Variants in LEMD2 observed in about 807,000 individuals in gnomAD.
LEMD2 encodes LEM domain nuclear envelope protein 2.
Under a neutral mutation model 58.8 loss-of-function variants are expected in LEMD2, and 34 were observed. The ratio of observed to expected loss-of-function variants is 0.58; its 90% CI spans 0.44 to 0.77. The LOEUF is 0.77. Among genes scored for constraint, LEMD2 ranks in the 30% least tolerant of loss-of-function variants. The pLI, the probability that LEMD2 is intolerant of heterozygous loss-of-function variation, is 0.00. For missense variants in LEMD2, 629 were observed against 717.9 expected, an observed-to-expected ratio of 0.88 and a Z score of 1.42; for synonymous variants, 298 against 308.9, an observed-to-expected ratio of 0.96 and a Z score of 0.37.
intron 2 of LEMD2, 67 bp downstream of exon 2, chr6:33,786,667 G>T: frequency 7.9e-7 from 1 of 1,264,794 alleles, no homozygotes; most frequent in Non-Finnish European, 1.1e-6. Flanking sequence ...TTCTGGGGAA[G>T]TTTACCTCCT....
At position 33,772,274 on chromosome 6, in the gene LEMD2, C is replaced by A; in HGVS notation, c.*354G>T. The A allele has an allele frequency of 5.5e-6, 1 of 181,068 alleles. No homozygotes were observed. The highest frequency in any genetic ancestry group is 1.2e-5 in the Non-Finnish European group (1 of 86,922). 11.2% of individuals were successfully genotyped at this position (181,068 alleles called of 1,614,324 possible). On this transcript the variant is annotated 3_prime_UTR_variant, in exon 9 of 9. Coordinates refer to ENST00000293760, the MANE Select transcript of LEMD2 (RefSeq NM_181336.4). ...TGCCCCACCTCCCAGGTGACAGACT[C>A]CCTGGCGTGGCCATGCCCCAGCCCA... is the stretch of plus-strand genomic sequence containing the variant.
intron 8 of LEMD2, among the ~76,000 whole-genome samples, chr6:33,773,055 C>T (rs779810717): frequency 1.3e-4 from 20 of 152,202 alleles, no homozygotes; most frequent in South Asian, 4.1e-4. Context: ...GTGTGCAGGG[C>T]TGTGCTAGGC....
At position 33,778,495 on chromosome 6, in the gene LEMD2, C is replaced by T; in HGVS notation, c.1011-108G>A. The T allele has an allele frequency of 1.2e-6, 1 of 841,948 alleles. No homozygotes were observed. The highest frequency in any genetic ancestry group is 2.9e-5 in the East Asian group (1 of 34,746). 52.2% of individuals were successfully genotyped at this position (841,948 alleles called of 1,614,324 possible). A position where few individuals can be genotyped will look rare whatever the true frequency, so the allele number is the denominator to read the frequency against. On this transcript the variant is annotated intron_variant, in intron 5 of 8. Transcript: ENST00000293760. The surrounding 1 kb of genome is among the most constrained non-coding windows in gnomAD (Gnocchi z 4.7). ...GAAGGAAAGTGGGGACGCAAGGCCT[C>T]TACTTGCTTATAGAATAGGCTTGGT...
intron 8 of LEMD2, 144 bp from the exon 9 acceptor site, chr6:33,772,922 A>G: frequency 1.5e-6 from 1 of 681,164 alleles, no homozygotes; most frequent in South Asian, 1.9e-5. Context: ...TAACATGACA[A>G]CTGCAGAGGA....
chr6:33,772,615 C>G lies in LEMD2; in HGVS notation c.*13G>C, dbSNP rs1466877835. Reference sequence around the variant, plus strand: ...TGGGACAGGCTGACCGGGAACAAGTCCCCGCCCGGGGCTTATCGCTCTGAG... The same window carrying G: ...TGGGACAGGCTGACCGGGAACAAGTGCCCGCCCGGGGCTTATCGCTCTGAG... On this transcript the variant is annotated 3_prime_UTR_variant, in exon 9 of 9. Coordinates refer to ENST00000293760, the MANE Select transcript of LEMD2 (RefSeq NM_181336.4). 1.2e-6 allele frequency: 2 copies of G among 1,609,700 alleles called. No individual in the cohort carries two copies. The highest frequency in any genetic ancestry group is 1.1e-5 in the South Asian group (1 of 90,360).
chr6:33,778,369 C>A lies in LEMD2; in HGVS notation c.1029G>T (p.Gln343His). The change falls in exon 6 of 9, where the codon CAG becomes CAT. Residue 343 changes from glutamine to histidine, a missense_variant. Coordinates refer to ENST00000293760, the MANE Select transcript of LEMD2 (RefSeq NM_181336.4). This position sits in a 1 kb window ranked among gnomAD's most constrained non-coding sequence, Gnocchi z 4.7. ...DVGIWLKGED[Q>H]SELVTTVDKV... is the part of the protein sequence containing the mutation. ...TGTCCACAGTCGTCACCAATTCAGA[C>A]TGGTCTTCTCCTTTCAACCTGAAAC... 2 of 1,568,466 alleles carry A rather than the reference C, an allele frequency of 1.3e-6. No homozygotes were observed. Among genetic ancestry groups the A allele is most frequent in the Non-Finnish European group, 1.7e-6 (2 of 1,155,008 alleles).
At position 33,788,608 on chromosome 6, in the gene LEMD2, G is replaced by C; in HGVS notation, c.509C>G (p.Ala170Gly). 3 of 1,275,660 alleles carry C rather than the reference G, an allele frequency of 2.4e-6. No homozygotes were observed. The highest frequency in any genetic ancestry group is 3.0e-6 in the Non-Finnish European group (3 of 1,014,780). 79.0% of individuals were successfully genotyped at this position (1,275,660 alleles called of 1,614,324 possible). A position where few individuals can be genotyped will look rare whatever the true frequency, so the allele number is the denominator to read the frequency against. ...ACCGAGGAGGGAGGAAGGCAGCCGC[G>C]CCGGGGCGGGAGACGCTGCCCACCA... ...RRWWAASPAPARLPSSLLGPD... is the reference protein window; with the variant it reads ...RRWWAASPAPGRLPSSLLGPD... Residue 170 changes from alanine (A) to glycine (G), a missense_variant, in exon 1 of 9, where the codon GCG (alanine) becomes GGG (glycine). Physicochemically the swap from Ala to Gly is moderately conservative, Grantham distance 60. This residue lies in a region of LEMD2 where 386 missense variants were observed against 381.1 expected (regional missense o/e 1.01). Coordinates refer to ENST00000293760, the MANE Select transcript of LEMD2 (RefSeq NM_181336.4).
At chr6:33,788,170 A>G (rs956034124) in intron 1 of LEMD2, among the ~76,000 whole-genome samples, 2 of 152,246 alleles carry the variant, frequency 1.3e-5, no homozygotes, top group Admixed American at 6.5e-5. Flanking sequence ...GAAAAGGAGA[A>G]CAGGAGAAAG....
intron 2 of LEMD2, among the ~76,000 whole-genome samples, chr6:33,785,048 A>C (rs1582262277): frequency 6.6e-6 from 1 of 151,884 alleles, no homozygotes; most frequent in Non-Finnish European, 1.5e-5. Context: ...CAACACACCC[A>C]CTCCCAGCCT....
chr6:33,776,427 T>C (rs1483986601), intron 8 of LEMD2, among the ~76,000 whole-genome samples: 2 of 152,118 alleles, frequency 1.3e-5, no homozygotes, highest in East Asian at 3.9e-4. Context: ...ACAATAGGCC[T>C]ACTTTTCCCC....
intron 6 of LEMD2, among the ~76,000 whole-genome samples, chr6:33,777,519 A>C (rs1402522246): frequency 6.6e-6 from 1 of 152,148 alleles, no homozygotes. Flanking sequence ...TGGGGCTTTC[A>C]TCTCCTCCCT....
intron 2 of LEMD2, among the ~76,000 whole-genome samples, chr6:33,785,215 G>A (rs1292493786): frequency 2.0e-5 from 3 of 152,132 alleles, no homozygotes; most frequent in Non-Finnish European, 2.9e-5. Context: ...CTTTCAGCAA[G>A]AGCCTCACCA....
In LEMD2 at chr6:33,788,828, C is replaced by A; in HGVS notation, c.289G>T (p.Ala97Ser). The A allele has an allele frequency of 7.0e-7, 1 of 1,425,618 alleles. No homozygotes were observed. Among genetic ancestry groups the A allele is most frequent in the Non-Finnish European group, 9.2e-7 (1 of 1,092,332 alleles). The allele number at this position is 1,425,618 out of a possible 1,614,324, so 88.3% of individuals were successfully genotyped here. A position where few individuals can be genotyped will look rare whatever the true frequency, so the allele number is the denominator to read the frequency against. ...CCGTAGGCCCCAGGGGTCGCGTAGG[C>A]CGAGCCCGAGGCCGGCTGGGAGAGC... ...PWLSQPASGS[A>S]YATPGAYGDI... Residue 97 changes from alanine (A) to serine (S), a missense_variant, in exon 1 of 9, where the codon GCC becomes TCC. Ala to Ser is a moderately conservative substitution (Grantham distance 99). This residue lies in a region of LEMD2 where 386 missense variants were observed against 381.1 expected (regional missense o/e 1.01). Coordinates refer to ENST00000293760, the MANE Select transcript of LEMD2 (RefSeq NM_181336.4).
chr6:33,788,681 G>T lies in LEMD2; in HGVS notation c.436C>A (p.Arg146=). 7.5e-7 allele frequency: 1 copy of T among 1,341,562 alleles called. No homozygotes were observed. Among genetic ancestry groups the T allele is most frequent in the Non-Finnish European group, 9.6e-7 (1 of 1,045,984 alleles). 83.1% of individuals were successfully genotyped at this position (1,341,562 alleles called of 1,614,324 possible). A position where few individuals can be genotyped will look rare whatever the true frequency, so the allele number is the denominator to read the frequency against. Residue 146 remains arginine, a synonymous_variant, in exon 1 of 9, where the codon CGG becomes AGG. Coordinates refer to ENST00000293760, the MANE Select transcript of LEMD2 (RefSeq NM_181336.4). ...RGSSEEDEDA[R]TPDRATQGPG... ...CCCTGCGTGGCCCTGTCGGGCGTCC[G>T]GGCGTCCTCGTCCTCCTCGGAGCTG...
intron 2 of LEMD2, 48 bp from the exon 3 acceptor site, chr6:33,784,475 G>GGGGC: frequency 2.3e-6 from 1 of 428,698 alleles, no homozygotes; most frequent in Non-Finnish European, 4.8e-6. Flanking sequence ...TGGGTGGGAG[G>GGGGC]GGTCCGTCTG....
At position 33,784,670 on chromosome 6, in the gene LEMD2, C is replaced by A. The variant is rs1476752370; in HGVS notation, c.778-243G>T. 1.4e-5 allele frequency: 6 copies of A among 439,828 alleles called. No homozygotes were observed. The Admixed American group carries it at 2.1e-4, about 15-fold the overall frequency. The allele number at this position is 439,828 out of a possible 1,614,324, so 27.2% of individuals were successfully genotyped here. On this transcript the variant is annotated intron_variant, in intron 2 of 8. Transcript: ENST00000293760. ...CAAAGCTGAAAGCAGACACTGTAAC[C>A]AAGGGGCTGCATCCCAGAGGCTCCT...
At chr6:33,772,880 ATTT>A in intron 8 of LEMD2, 102 bp from the exon 9 acceptor site, 1 of 1,114,588 alleles carries the variant, frequency 9.0e-7, no homozygotes, top group Non-Finnish European at 1.3e-6. Flanking sequence ...CTGGCATGGA[ATTT>A]ATGTAAGAGA....
At position 33,777,907 on chromosome 6, in the gene LEMD2, C is replaced by A. The variant is rs1012341727; in HGVS notation, c.1156+335G>T. 6.3e-4 allele frequency among the ~76,000 whole-genome samples: 96 copies of A among 152,210 alleles called. 1 individual carries two copies. The highest frequency in any genetic ancestry group is 1.9e-4 in the Non-Finnish European group (13 of 68,050). On this transcript the variant is annotated intron_variant, in intron 6 of 8. Transcript: ENST00000293760. ...CCAAGCCCCTGCTGTGCCTCCTGCT[C>A]GAAGCTGGTCCACACTGGGATCCCT...
Position 33,788,503 on chromosome 6 carries a change from C to T in LEMD2, c.614G>A (p.Arg205Gln), listed in dbSNP as rs1392240304. The change falls in exon 1 of 9, where the codon CGG (arginine) becomes CAG (glutamine). Residue 205 changes from arginine to glutamine, a missense_variant. This residue lies in a region of LEMD2 where 386 missense variants were observed against 381.1 expected (regional missense o/e 1.01). Transcript: ENST00000293760. ...AARARPEVGR[R>Q]LERWLSRLLL... ...AAGCCGAGAGAGCCAGCGCTCCAGC[C>T]GGCGCCCCACCTCAGGCCGGGCCCT... The T allele has an allele frequency of 6.5e-7, 1 of 1,540,996 alleles. No homozygotes were observed. Among genetic ancestry groups the T allele is most frequent in the South Asian group, 1.2e-5 (1 of 83,784 alleles).
Sources: gnomAD v4.1 joint callset for allele counts (sites outside exome capture counted in the v4.1 genomes callset) on GRCh38, gnomAD v4.1.1 for gene constraint, gnomAD v4.1.1 regional missense constraint, Gnocchi (gnomAD v3.1) non-coding constraint, MANE v1.5 for transcripts, NCBI Gene and HGNC (gene_info 2026-07-23, HGNC 2026-07-21) for gene names.